Variants in STAG1 observed in about 807,000 individuals in gnomAD.
STAG1 encodes the protein cohesin subunit SA-1.
In STAG1, 26 loss-of-function variants were observed where a neutral mutation model predicts 170.9. The ratio of observed to expected loss-of-function variants is 0.15; its 90% CI spans 0.11 to 0.21. STAG1 has a LOEUF of 0.21. Ranked by LOEUF, STAG1 falls within the 10% of genes least tolerant of loss-of-function variation. The pLI, the probability that STAG1 is intolerant of heterozygous loss-of-function variation, is 1.00. For synonymous variants in STAG1, 514 were observed against 497.7 expected (o/e 1.03, Z -0.44); for missense variants, 964 against 1,509.5 (o/e 0.64, Z 5.99).
At chr3:136,466,655 C>A (rs1219790860) in intron 12 of STAG1, among the ~76,000 whole-genome samples, 1 of 152,032 alleles carries the variant, frequency 6.6e-6, no homozygotes, top group Non-Finnish European at 1.5e-5. Flanking sequence ...ACAGAGAACG[C>A]CACAAAGATA....
intron 3 of STAG1, among the ~76,000 whole-genome samples, chr3:136,614,078 T>A (rs898281720): frequency 6.6e-6 from 1 of 152,034 alleles, no homozygotes; most frequent in Admixed American, 6.5e-5. Context: ...TAGCCAGGCA[T>A]GGTGGTACGC....
intron 1 of STAG1, among the ~76,000 whole-genome samples, chr3:136,708,081 C>T (rs1943275706): frequency 6.6e-6 from 1 of 152,138 alleles, no homozygotes; most frequent in African/African-American, 2.4e-5. Flanking sequence ...CTGTCGAGAA[C>T]AATTTGGCAT....
chr3:136,732,425 A>C (rs1934094957), intron 1 of STAG1, among the ~76,000 whole-genome samples: 1 of 152,166 alleles, frequency 6.6e-6, no homozygotes, highest in South Asian at 2.1e-4. Flanking sequence ...AATAATCCTG[A>C]TAAAGCCATC....
At chr3:136,604,243 C>T (rs1184309687) in intron 4 of STAG1, 66 bp downstream of exon 4, 5 of 1,458,142 alleles carry the variant, frequency 3.4e-6, no homozygotes, top group South Asian at 2.8e-5. Context: ...AATATACACA[C>T]TAACTGATTC....
rs949008128 is a variant in STAG1 at position 136,560,253 on chromosome 3, C to CA, written c.394+8511dup. ...AAGAAAGAAGGTTGCTTTTAACCACCAACTTTCAAGTTTGATCAACAACCC... is the reference window on the plus strand; with the variant it reads ...AAGAAAGAAGGTTGCTTTTAACCACCAAACTTTCAAGTTTGATCAACAACCC... On this transcript the variant is annotated intron_variant, in intron 5 of 33. Transcript: ENST00000383202. Among the ~76,000 whole-genome samples the CA allele has an allele frequency of 1.8e-4, 27 of 152,148 alleles. 1 individual carries two copies. Among genetic ancestry groups the CA allele is most frequent in the African/African-American group, 6.5e-4 (27 of 41,438 alleles).
intron 5 of STAG1, among the ~76,000 whole-genome samples, chr3:136,557,079 A>C (rs905761823): frequency 5.9e-5 from 9 of 151,976 alleles, no homozygotes; most frequent in African/African-American, 2.2e-4. Flanking sequence ...CAAAAATCCC[A>C]AACAATTAGC....
At chr3:136,356,526 A>T (rs1309044252) in intron 28 of STAG1, among the ~76,000 whole-genome samples, 1 of 151,998 alleles carries the variant, frequency 6.6e-6, no homozygotes, top group East Asian at 1.9e-4. Flanking sequence ...GACTACAGGT[A>T]CACACCACCA....
At position 136,446,875 on chromosome 3, in the gene STAG1, C is replaced by T. The variant is rs1015060424; in HGVS notation, c.1429-3471G>A. Among the ~76,000 whole-genome samples the T allele has an allele frequency of 7.9e-5, 12 of 152,084 alleles. No individual in the cohort carries two copies. The South Asian group carries it at 2.3e-3, about 29-fold the overall frequency. ...GATGCAGTGGCGCAATCTCGGCTCA[C>T]TGCCACCTCTTGCCTCCTGCGTTCA... On this transcript the variant is annotated intron_variant, in intron 14 of 33. Transcript: ENST00000383202.
intron 21 of STAG1, among the ~76,000 whole-genome samples, chr3:136,401,351 A>T (rs1458307667): frequency 6.6e-6 from 1 of 152,148 alleles, no homozygotes; most frequent in Admixed American, 6.6e-5. Context: ...CTTAATTCTG[A>T]TATTTGTCTC....
Position 136,479,570 on chromosome 3 carries a change from T to A in STAG1, c.903-2158A>T, listed in dbSNP as rs1329580706. Among the ~76,000 whole-genome samples, 8 of 64,200 alleles carry A rather than the reference T, an allele frequency of 1.2e-4. 3 individuals carry two copies. The highest frequency in any genetic ancestry group is 3.6e-4 in the Admixed American group (2 of 5,572). 42.1% of individuals were successfully genotyped at this position (64,200 alleles called of 152,430 possible). On this transcript the variant is annotated intron_variant, in intron 9 of 33. Transcript: ENST00000383202. ...CATGTGTCTTTATAGCAGCATGATTTATAGTCCTTTGGGTATATATCCAGT... is the reference window on the plus strand; with the variant it reads ...CATGTGTCTTTATAGCAGCATGATTAATAGTCCTTTGGGTATATATCCAGT...
At chr3:136,372,354 T>A (rs1397858900) in intron 23 of STAG1, among the ~76,000 whole-genome samples, 1 of 152,210 alleles carries the variant, frequency 6.6e-6, no homozygotes, top group Non-Finnish European at 1.5e-5. Context: ...TTCTCCTGCC[T>A]GACTGCCCGG....
chr3:136,464,647 G>T (rs537400824), intron 13 of STAG1, among the ~76,000 whole-genome samples: 1 of 151,572 alleles, frequency 6.6e-6, no homozygotes, highest in Non-Finnish European at 1.5e-5. Context: ...CTCACATCTA[G>T]CTGAGAATCA....
intron 1 of STAG1, among the ~76,000 whole-genome samples, chr3:136,736,271 G>C (rs1934327485): frequency 6.6e-6 from 1 of 152,208 alleles, no homozygotes; most frequent in Non-Finnish European, 1.5e-5. Context: ...TCTAATCCTG[G>C]TTGTTCTAGG....
intron 3 of STAG1, among the ~76,000 whole-genome samples, chr3:136,622,082 G>A (rs1487313564): frequency 7.2e-6 from 1 of 138,320 alleles, no homozygotes; most frequent in Non-Finnish European, 1.5e-5. Flanking sequence ...TGGATCACCT[G>A]ATGTCAAGAG....
chr3:136,585,620 A>AAT (rs1559892979), intron 4 of STAG1, among the ~76,000 whole-genome samples: 12 of 150,438 alleles, frequency 8.0e-5, no homozygotes, highest in African/African-American at 2.0e-4. Flanking sequence ...ATAATAATAA[A>AAT]AAAATAAAAT....
chr3:136,350,610 C>A (rs1387707724), intron 28 of STAG1, among the ~76,000 whole-genome samples: 2 of 152,164 alleles, frequency 1.3e-5, no homozygotes, highest in African/African-American at 4.8e-5. Context: ...AGGTGTTATT[C>A]TGGGAGAAGA....
Position 136,604,300 on chromosome 3 carries a change from A to C in STAG1, c.297+9T>G. The C allele has an allele frequency of 6.2e-7, 1 of 1,601,912 alleles. No homozygotes were observed. Among genetic ancestry groups the C allele is most frequent in the Non-Finnish European group, 8.5e-7 (1 of 1,176,542 alleles). On this transcript the variant is annotated intron_variant, in intron 4 of 33. Transcript: ENST00000383202. Reference sequence around the variant, plus strand: ...TGCTTTATACGTGAAATAAAAACTTAAAATTTACCTGCATTGCACTTTTCC... The same window carrying C: ...TGCTTTATACGTGAAATAAAAACTTCAAATTTACCTGCATTGCACTTTTCC...
intron 1 of STAG1, among the ~76,000 whole-genome samples, chr3:136,687,926 G>A (rs1260773343): frequency 6.6e-6 from 1 of 151,894 alleles, no homozygotes; most frequent in Admixed American, 6.6e-5. Flanking sequence ...TAATACAGAC[G>A]GGGTTTCACC....
intron 9 of STAG1, among the ~76,000 whole-genome samples, chr3:136,496,886 G>A (rs1342395734): frequency 1.3e-5 from 2 of 151,770 alleles, no homozygotes; most frequent in Admixed American, 6.6e-5. Context: ...AGAGAAAAGC[G>A]GGAAGGAAGC....
Sources: gnomAD v4.1 joint callset for allele counts (sites outside exome capture counted in the v4.1 genomes callset) on GRCh38, gnomAD v4.1.1 for gene constraint, MANE v1.5 for transcripts, NCBI Gene and HGNC (gene_info 2026-07-23, HGNC 2026-07-21) for gene names.